TDP1: variants seen among roughly 807,000 people sequenced by gnomAD.
TDP1 encodes tyrosyl-DNA phosphodiesterase 1.
Under a neutral mutation model 81.5 loss-of-function variants are expected in TDP1, and 64 were observed. That is an observed-to-expected ratio of 0.79 (90% CI 0.64 to 0.97). The LOEUF (loss-of-function observed/expected upper bound fraction) is 0.97. TDP1 is among the 50% of genes least tolerant of loss of function. TDP1 has a pLI of 0.00. For missense variants in TDP1, 723 were observed against 743.8 expected (o/e 0.97, Z 0.33); for synonymous variants, 256 against 264.3 (o/e 0.97, Z 0.30).
intron 14 of TDP1, among the ~76,000 whole-genome samples, chr14:90,007,487 G>A (rs921964056): frequency 6.6e-6 from 1 of 152,076 alleles, no homozygotes; most frequent in Non-Finnish European, 1.5e-5. Context: ...TACTCAGGTG[G>A]CTGAGGCATG....
intron 6 of TDP1, among the ~76,000 whole-genome samples, chr14:89,973,260 C>G (rs139334056): frequency 6.6e-4 from 100 of 152,352 alleles, no homozygotes; most frequent in African/African-American, 2.4e-3. Context: ...AGTAGGATAG[C>G]TCCCATCAAA....
intron 15 of TDP1, chr14:90,022,843 C>T (rs149433529): frequency 8.3e-5 from 68 of 819,294 alleles, no homozygotes; most frequent in African/African-American, 9.2e-5. Flanking sequence ...TTTGTCGTTT[C>T]GCTGAGTTTA....
intron 7 of TDP1, among the ~76,000 whole-genome samples, chr14:89,978,146 C>T (rs542763446): frequency 3.5e-4 from 54 of 152,314 alleles, no homozygotes; most frequent in African/African-American, 1.3e-3. Context: ...CATGTCTCCC[C>T]CCACCTCACC....
At chr14:89,971,077 C>A in intron 5 of TDP1, 98 bp from the exon 6 acceptor site, 2 of 1,005,798 alleles carry the variant, frequency 2.0e-6, no homozygotes, top group Non-Finnish European at 3.1e-6. Context: ...CTCAGGTAGT[C>A]CACCTGCCTC....
chr14:90,033,179 C>T lies in TDP1; in HGVS notation c.1718C>T (p.Pro573Leu), dbSNP rs1887478642. Residue 573 changes from proline to leucine, a missense_variant, in exon 16 of 17, where the codon CCA becomes CTA. By Grantham distance (98) the Pro-to-Leu change is moderately conservative (BLOSUM62 -3). Coordinates refer to ENST00000335725, the MANE Select transcript of TDP1 (RefSeq NM_018319.4). ...SQEPMATFPVPYDLPPELYGS... is the reference protein window; with the variant it reads ...SQEPMATFPVLYDLPPELYGS... ...GAGCCAATGGCCACCTTTCCTGTGC[C>T]ATATGATTTGCCTCCAGAACTGTAT... 1 of 1,612,300 alleles carries T rather than the reference C, an allele frequency of 6.2e-7. No individual in the cohort carries two copies. Among genetic ancestry groups the T allele is most frequent in the South Asian group, 1.1e-5 (1 of 91,028 alleles).
At chr14:89,983,109 T>C (rs1895176313) in intron 8 of TDP1, 1 of 456,044 alleles carries the variant, frequency 2.2e-6, no homozygotes, top group Non-Finnish European at 4.4e-6. Context: ...TTGTTTCTCA[T>C]CCAGAACTCA....
chr14:89,959,066 T>A (rs969372932), intron 2 of TDP1, among the ~76,000 whole-genome samples: 2 of 152,236 alleles, frequency 1.3e-5, no homozygotes, highest in African/African-American at 2.4e-5. Flanking sequence ...ACAGGGAGTT[T>A]GGATTGGAAT....
At chr14:89,971,637 C>T (rs1893679506) in intron 6 of TDP1, among the ~76,000 whole-genome samples, 1 of 152,138 alleles carries the variant, frequency 6.6e-6, no homozygotes, top group Non-Finnish European at 1.5e-5. Context: ...TTAATTCAAA[C>T]ATTCTCTTTC....
chr14:90,033,341 G>A lies in TDP1; in HGVS notation c.1753+127G>A, dbSNP rs912826696. The A allele has an allele frequency of 4.2e-6, 3 of 715,530 alleles. No homozygotes were observed. The African/African-American group carries it at 5.2e-5, about 12-fold the overall frequency. The allele number at this position is 715,530 out of a possible 1,614,324, so 44.3% of individuals were successfully genotyped here. On this transcript the variant is annotated intron_variant, in intron 16 of 16. Coordinates refer to ENST00000335725, the MANE Select transcript of TDP1 (RefSeq NM_018319.4). ...CCCTCTGGAAGCTCAAGTTTGCAGAGGGCCCTTTGCCAGCCTGTCTGGGGC... is the reference window on the plus strand; with the variant it reads ...CCCTCTGGAAGCTCAAGTTTGCAGAAGGCCCTTTGCCAGCCTGTCTGGGGC...
intron 15 of TDP1, chr14:90,032,646 TTC>T (rs1887414551): frequency 1.4e-6 from 1 of 719,266 alleles, no homozygotes; most frequent in Non-Finnish European, 1.7e-6. Flanking sequence ...ATTTTTATAC[TTC>T]TGTCACATTA....
chr14:89,985,175 CA>C lies in TDP1; in HGVS notation c.1101del (p.Asp368IlefsTer12). The C allele has an allele frequency of 6.2e-7, 1 of 1,610,728 alleles. No individual in the cohort carries two copies. Among genetic ancestry groups the C allele is most frequent in the Non-Finnish European group, 8.5e-7 (1 of 1,178,488 alleles). On this transcript the variant is annotated frameshift_variant, in exon 10 of 17. Transcript: ENST00000335725. LOFTEE classifies it high-confidence loss of function. Reference sequence around the variant, plus strand: ...AACCCCAGGACGCTTTCAAGGAAGTCAAAAAGATAATTGGGGACATTTTAGA... The same window carrying C: ...AACCCCAGGACGCTTTCAAGGAAGTCAAAAGATAATTGGGGACATTTTAGA... ...GSTPGRFQGS[Q>X]KDNWGHFRLK...
chr14:89,971,331 A>G, intron 6 of TDP1, 60 bp downstream of exon 6: 1 of 1,250,594 alleles, frequency 8.0e-7, no homozygotes, highest in Non-Finnish European at 1.2e-6. Flanking sequence ...AAACTTAGAC[A>G]TTTAGTCCAC....
intron 15 of TDP1, among the ~76,000 whole-genome samples, chr14:90,022,405 T>G (rs1475852809): frequency 6.6e-6 from 1 of 152,198 alleles, no homozygotes; most frequent in Non-Finnish European, 1.5e-5. Flanking sequence ...CAGCGGCCCT[T>G]CTCCCTGGGT....
intron 14 of TDP1, chr14:90,019,102 A>G (rs1885659373): frequency 1.0e-6 from 1 of 982,830 alleles, no homozygotes; most frequent in Non-Finnish European, 1.2e-6. Flanking sequence ...GATGAGGGTG[A>G]AACTATCCCA....
At chr14:89,998,424 G>GTATGTATGTATGTATATGTA (rs1566891348) in intron 14 of TDP1, among the ~76,000 whole-genome samples, 1 of 78,534 alleles carries the variant, frequency 1.3e-5, no homozygotes, top group African/African-American at 6.3e-5. Context: ...ATATATATAT[G>GTATGTATGTATGTATATGTA]TATGTATGTA....
chr14:90,027,043 C>T (rs190412871), intron 15 of TDP1, among the ~76,000 whole-genome samples: 130 of 152,302 alleles, frequency 8.5e-4, no homozygotes, highest in African/African-American at 3.1e-3. Flanking sequence ...ACACTGTCTT[C>T]CACAATGGTT....
intron 14 of TDP1, among the ~76,000 whole-genome samples, chr14:90,001,138 T>C (rs1447174879): frequency 6.6e-6 from 1 of 152,222 alleles, no homozygotes; most frequent in East Asian, 1.9e-4. Context: ...TCCTGATCAT[T>C]TGGACTTTGT....
At chr14:89,982,148 A>G (rs74710063) in intron 8 of TDP1, among the ~76,000 whole-genome samples, 4,693 of 152,186 alleles carry the variant, frequency 0.031, 111 homozygotes, top group African/African-American at 0.067. Context: ...TTGCCCCACC[A>G]TAGCATGTGG....
At chr14:90,001,003 C>A (rs1376078807) in intron 14 of TDP1, among the ~76,000 whole-genome samples, 2 of 152,188 alleles carry the variant, frequency 1.3e-5, no homozygotes, top group African/African-American at 4.8e-5. Flanking sequence ...CACAAAAGAT[C>A]TGATTTCCTA....
Sources: gnomAD v4.1 joint callset for allele counts (sites outside exome capture counted in the v4.1 genomes callset) on GRCh38, gnomAD v4.1.1 for gene constraint, MANE v1.5 for transcripts, NCBI Gene and HGNC (gene_info 2026-07-23, HGNC 2026-07-21) for gene names.